UBE2F: variants seen among roughly 807,000 people sequenced by gnomAD.
The protein encoded by UBE2F is ubiquitin conjugating enzyme E2 F (putative).
A neutral mutation model predicts 29.6 loss-of-function variants in UBE2F; 5 were observed. That is an observed-to-expected ratio of 0.17 (90% CI 0.09 to 0.36). The LOEUF (loss-of-function observed/expected upper bound fraction) is 0.36. Ranked by LOEUF, UBE2F falls within the 10% of genes least tolerant of loss-of-function variation. UBE2F has a pLI of 1.00. For synonymous variants in UBE2F, 66 were observed against 81.8 expected, an observed-to-expected ratio of 0.81 and a Z score of 1.04; for missense variants, 141 against 228.5, an observed-to-expected ratio of 0.62 and a Z score of 2.47.
chr2:238,029,283 AAAT>A (rs951669093), intron 6 of UBE2F, among the ~76,000 whole-genome samples: 14 of 150,950 alleles, frequency 9.3e-5, no homozygotes, highest in Admixed American at 3.3e-4. Context: ...AACTTTAAAA[AAAT>A]AAAAAAAAAA....
chr2:238,031,144 C>CTGTA (rs1233442707), intron 7 of UBE2F, among the ~76,000 whole-genome samples: 1 of 152,238 alleles, frequency 6.6e-6, no homozygotes, highest in Non-Finnish European at 1.5e-5. Context: ...CTCCTCCGAG[C>CTGTA]TGTAGTCTCT....
chr2:237,991,601 C>CTTTTTTT, intron 3 of UBE2F, among the ~76,000 whole-genome samples: 1 of 30,894 alleles, frequency 3.2e-5, no homozygotes. Context: ...CTTTTCTTTT[C>CTTTTTTT]TTTCTTTCTT....
intron 2 of UBE2F, among the ~76,000 whole-genome samples, chr2:237,981,367 GA>G (rs144859470): frequency 0.017 from 2,584 of 152,244 alleles, 68 homozygotes; most frequent in African/African-American, 0.059. Flanking sequence ...AGCACTGTGG[GA>G]GTGTGCCTGG....
At chr2:238,031,517 C>T (rs370476128) in intron 7 of UBE2F, among the ~76,000 whole-genome samples, 2 of 152,130 alleles carry the variant, frequency 1.3e-5, no homozygotes, top group South Asian at 2.1e-4. Flanking sequence ...GATTGATGGA[C>T]TAGAGAAAAC....
At position 238,042,499 on chromosome 2, in the gene UBE2F, G is replaced by A. The variant is rs1230556734; in HGVS notation, c.*1161G>A. ...TCCTCGGCCAGGTTAATATACTGCA[G>A]AGGAAAAGCCCTGAAGAGAGGCAAG... On this transcript the variant is annotated 3_prime_UTR_variant, in exon 10 of 10. Transcript: ENST00000272930. The A allele has an allele frequency of 6.6e-6, 1 of 152,266 alleles. No individual in the cohort carries two copies. The highest frequency in any genetic ancestry group is 2.4e-5 in the African/African-American group (1 of 41,462). 9.4% of individuals were successfully genotyped at this position (152,266 alleles called of 1,614,324 possible). A position where few individuals can be genotyped will look rare whatever the true frequency, so the allele number is the denominator to read the frequency against.
chr2:238,031,267 C>T (rs2064569923), intron 7 of UBE2F, among the ~76,000 whole-genome samples: 1 of 152,212 alleles, frequency 6.6e-6, no homozygotes, highest in Non-Finnish European at 1.5e-5. Flanking sequence ...GGAAGGCGGC[C>T]CTCTCCTCCA....
chr2:237,997,204 G>A (rs539556197), intron 4 of UBE2F, among the ~76,000 whole-genome samples: 12 of 152,214 alleles, frequency 7.9e-5, no homozygotes, highest in African/African-American at 1.9e-4. Flanking sequence ...TCCAGCCTGA[G>A]CGACAGAGCT....
chr2:237,977,380 T>G (rs2063303280), intron 2 of UBE2F, among the ~76,000 whole-genome samples: 1 of 152,234 alleles, frequency 6.6e-6, no homozygotes, highest in Admixed American at 6.5e-5. Context: ...TCTCGTGGCC[T>G]TTCCTTCCAC....
chr2:238,028,584 C>T (rs980824713), intron 6 of UBE2F, among the ~76,000 whole-genome samples: 17 of 152,212 alleles, frequency 1.1e-4, no homozygotes, highest in African/African-American at 4.1e-4. Flanking sequence ...GGTAGAAAGA[C>T]GTCCACCCAG....
chr2:237,978,012 A>G (rs115410012), intron 2 of UBE2F, among the ~76,000 whole-genome samples: 269 of 152,232 alleles, frequency 1.8e-3, no homozygotes, highest in African/African-American at 6.2e-3. Context: ...AGGCAGAGGG[A>G]GACTCAAGCA....
At chr2:238,025,273 G>A in intron 5 of UBE2F, 69 bp from the exon 6 acceptor site, 3 of 1,360,738 alleles carry the variant, frequency 2.2e-6, no homozygotes, top group South Asian at 2.3e-5. Flanking sequence ...GATGTGGTAA[G>A]GCTCTGGCCT....
intron 1 of UBE2F, 113 bp from the exon 2 acceptor site, chr2:237,972,979 T>C (rs2063206633): frequency 7.9e-7 from 1 of 1,259,320 alleles, no homozygotes; most frequent in Non-Finnish European, 1.1e-6. Context: ...ATTTTTTCCA[T>C]AACTAAATTG....
chr2:237,981,725 C>G (rs962677008), intron 2 of UBE2F, among the ~76,000 whole-genome samples: 2 of 138,588 alleles, frequency 1.4e-5, no homozygotes, highest in African/African-American at 5.4e-5. Context: ...CTCTTGGGCT[C>G]AAGTGATCCT....
In UBE2F at chr2:237,967,233, G is replaced by C. The variant is rs1576580757; in HGVS notation, c.-17+101G>C. 1.2e-6 allele frequency: 1 copy of C among 817,498 alleles called. No individual in the cohort carries two copies. The highest frequency in any genetic ancestry group is 1.9e-5 in the African/African-American group (1 of 53,416). 50.6% of individuals were successfully genotyped at this position (817,498 alleles called of 1,614,324 possible). On this transcript the variant is annotated intron_variant, in intron 1 of 9. Coordinates refer to ENST00000272930, the MANE Select transcript of UBE2F (RefSeq NM_080678.3). The surrounding 1 kb of genome is among the most constrained non-coding windows in gnomAD (Gnocchi z 6.3). The stretch of plus-strand genomic sequence containing the variant: ...GGAGGGCGCGGGCGGTGGCGGGGCC[G>C]CCTCGGGCCCGCCGGGTTCCTCACG...
At chr2:237,979,614 A>G (rs986966227) in intron 2 of UBE2F, among the ~76,000 whole-genome samples, 3 of 152,156 alleles carry the variant, frequency 2.0e-5, no homozygotes, top group African/African-American at 7.2e-5. Context: ...CAGTGGCCCA[A>G]GGGGAGGATG....
chr2:237,989,826 G>A (rs1043188982), intron 3 of UBE2F, among the ~76,000 whole-genome samples: 40 of 151,594 alleles, frequency 2.6e-4, no homozygotes, highest in African/African-American at 9.4e-4. Flanking sequence ...CTGTTAAAAG[G>A]TTATCTTTCT....
At chr2:238,009,206 GTTTT>G (rs1243748680) in intron 4 of UBE2F, among the ~76,000 whole-genome samples, 1 of 152,178 alleles carries the variant, frequency 6.6e-6, no homozygotes, top group Admixed American at 6.5e-5. Flanking sequence ...CTTTGAAGTG[GTTTT>G]TTCTTTTTAT....
chr2:237,996,632 T>C (rs540836553), intron 4 of UBE2F, among the ~76,000 whole-genome samples: 58 of 151,980 alleles, frequency 3.8e-4, no homozygotes, highest in Admixed American at 1.0e-3. Context: ...TGCGCCACCA[T>C]GCCCAGCTAA....
At chr2:237,996,319 G>C (rs1244824405) in intron 4 of UBE2F, among the ~76,000 whole-genome samples, 1 of 152,116 alleles carries the variant, frequency 6.6e-6, no homozygotes, top group Admixed American at 6.5e-5. Context: ...CATTTTCAAT[G>C]GCTATCAGGG....
Sources: gnomAD v4.1 joint callset for allele counts (sites outside exome capture counted in the v4.1 genomes callset) on GRCh38, gnomAD v4.1.1 for gene constraint, Gnocchi (gnomAD v3.1) non-coding constraint, MANE v1.5 for transcripts, NCBI Gene and HGNC (gene_info 2026-07-23, HGNC 2026-07-21) for gene names.